Variants in PUDP observed in about 807,000 individuals in gnomAD.
The protein encoded by PUDP is pseudouridine-5'-phosphatase.
A neutral mutation model predicts 9.4 loss-of-function variants in PUDP; 8 were observed. That is an observed-to-expected ratio of 0.85 (90% CI 0.50 to 1.53). The LOEUF is 1.53. PUDP is among the 40% of genes most tolerant of loss of function. The pLI is 0.00. For missense variants in PUDP, 188 were observed against 189.7 expected, an observed-to-expected ratio of 0.99 and a Z score of 0.05; for synonymous variants, 99 against 80.7, an observed-to-expected ratio of 1.23 and a Z score of -1.22.
At chrX:7,101,062 T>C (rs1931716447) in intron 2 of PUDP, among the ~76,000 whole-genome samples, 1 of 112,247 alleles carries the variant, frequency 8.9e-6, no homozygotes, top group African/African-American at 3.2e-5. Context: ...TCTCCAGCAT[T>C]ACCTTGTGCA....
At position 6,789,306 on chromosome X, in the gene PUDP, TA is replaced by T. The variant is rs1925699749; in HGVS notation, c.*248-82841del. Among the ~76,000 whole-genome samples, 4 of 101,911 alleles carry T rather than the reference TA, an allele frequency of 3.9e-5. No individual in the cohort carries two copies. The South Asian group carries it at 1.3e-3, about 34-fold the overall frequency. The allele number at this position is 101,911 out of a possible 115,157, so 88.5% of individuals were successfully genotyped here. A position where few individuals can be genotyped will look rare whatever the true frequency, so the allele number is the denominator to read the frequency against. On this transcript the variant is annotated intron_variant and NMD_transcript_variant, in intron 3 of 3. Transcript: ENST00000655425. ...CTCTGTCTCTAAATAAATAAATAAA[TA>T]AATAAATAAATAAATAAATAGAAGA...
chrX:6,710,519 C>T (rs758737105), intron 1 of PUDP, among the ~76,000 whole-genome samples: 3 of 111,757 alleles, frequency 2.7e-5, no homozygotes, highest in South Asian at 3.8e-4. Context: ...CTAAGTCAGC[C>T]GCCTGTTCCC....
At chrX:6,751,398 C>T (rs1385797341) in intron 3 of PUDP, among the ~76,000 whole-genome samples, 3 of 111,493 alleles carry the variant, frequency 2.7e-5, no homozygotes, top group Admixed American at 9.5e-5. Flanking sequence ...ATAAAGAAAT[C>T]ACAGTAGCTG....
At chrX:6,805,136 G>A (rs1926028889) in intron 3 of PUDP, among the ~76,000 whole-genome samples, 2 of 110,853 alleles carry the variant, frequency 1.8e-5, no homozygotes, top group African/African-American at 6.6e-5. Context: ...CAGGTGTGGT[G>A]GCATGCACCT....
chrX:7,079,438 A>G (rs1009868975), intron 2 of PUDP, among the ~76,000 whole-genome samples: 2 of 112,544 alleles, frequency 1.8e-5, no homozygotes, highest in Admixed American at 9.4e-5. Flanking sequence ...AGGACACAGC[A>G]GACTTCAGAA....
At chrX:7,122,210 CAT>C (rs1311278461) in intron 1 of PUDP, among the ~76,000 whole-genome samples, 8 of 63,831 alleles carry the variant, frequency 1.3e-4, no homozygotes, top group African/African-American at 4.1e-4. Context: ...AAAAAAAACC[CAT>C]ATATGTGTGT....
At chrX:6,726,730 T>C (rs1924742767) in intron 3 of PUDP, among the ~76,000 whole-genome samples, 1 of 111,569 alleles carries the variant, frequency 9.0e-6, no homozygotes, top group East Asian at 2.8e-4. Flanking sequence ...GTAAGGACAC[T>C]GAAAACATAT....
chrX:7,053,945 T>C (rs764762509), intron 3 of PUDP, among the ~76,000 whole-genome samples: 1 of 112,123 alleles, frequency 8.9e-6, no homozygotes, highest in Non-Finnish European at 1.9e-5. Flanking sequence ...TCCTCTGTGT[T>C]CAATTAATCT....
intron 3 of PUDP, among the ~76,000 whole-genome samples, chrX:6,849,202 G>A (rs146014064): frequency 8.9e-6 from 1 of 111,822 alleles, no homozygotes; most frequent in Non-Finnish European, 1.9e-5. Flanking sequence ...GAGATGTACC[G>A]AAGACTACAT....
intron 3 of PUDP, among the ~76,000 whole-genome samples, chrX:6,733,770 CTTTTTTT>C (rs3046297): frequency 1.3e-3 from 60 of 46,265 alleles, no homozygotes; most frequent in African/African-American, 5.3e-3. Flanking sequence ...AAAGCAAAGC[CTTTTTTT>C]TTTTTTTTTT....
intron 3 of PUDP, among the ~76,000 whole-genome samples, chrX:6,884,615 A>G (rs758679908): frequency 3.6e-5 from 4 of 111,870 alleles, no homozygotes; most frequent in Non-Finnish European, 5.6e-5. Context: ...AGTCAGCAAC[A>G]TGAGAGACCT....
chrX:7,074,610 T>C (rs1325827056), intron 3 of PUDP, among the ~76,000 whole-genome samples: 5 of 112,078 alleles, frequency 4.5e-5, no homozygotes, highest in Non-Finnish European at 9.4e-5. Context: ...GGTTATGGAG[T>C]GCAGCACCTT....
intron 3 of PUDP, among the ~76,000 whole-genome samples, chrX:6,924,149 G>A (rs749367939): frequency 1.6e-4 from 18 of 111,264 alleles, no homozygotes; most frequent in South Asian, 1.2e-3. Flanking sequence ...TTGTTGATAC[G>A]TCCTTCTTAG....
chrX:7,114,500 C>T (rs1383442905), intron 1 of PUDP, among the ~76,000 whole-genome samples: 1 of 111,786 alleles, frequency 8.9e-6, no homozygotes, highest in Non-Finnish European at 1.9e-5. Context: ...GCCTTCATGA[C>T]CCAACACCTC....
chrX:6,797,722 G>T (rs913301692), intron 3 of PUDP, among the ~76,000 whole-genome samples: 1 of 112,044 alleles, frequency 8.9e-6, no homozygotes, highest in Non-Finnish European at 1.9e-5. Context: ...GCCTGAGCCA[G>T]AAATACCAAG....
At chrX:6,792,215 G>C (rs1925760379) in intron 3 of PUDP, among the ~76,000 whole-genome samples, 1 of 110,538 alleles carries the variant, frequency 9.0e-6, no homozygotes, top group African/African-American at 3.3e-5. Flanking sequence ...GAGTGAGGTT[G>C]GCCAAGCACA....
intron 3 of PUDP, among the ~76,000 whole-genome samples, chrX:6,840,287 A>C (rs1926648223): frequency 8.9e-6 from 1 of 112,015 alleles, no homozygotes; most frequent in African/African-American, 3.2e-5. Context: ...GAGTCCATTA[A>C]ACCTCTTTCT....
At chrX:6,947,376 G>A (rs1007175609) in intron 3 of PUDP, among the ~76,000 whole-genome samples, 8 of 112,073 alleles carry the variant, frequency 7.1e-5, no homozygotes, top group South Asian at 3.7e-4. Flanking sequence ...GTTGAGGAGG[G>A]TGCAACTACA....
chrX:6,788,312 C>T (rs1027649367), intron 3 of PUDP, among the ~76,000 whole-genome samples: 1 of 112,156 alleles, frequency 8.9e-6, no homozygotes, highest in Non-Finnish European at 1.9e-5. Flanking sequence ...AGTTTAAGGT[C>T]AGCTAGGCTG....
Sources: allele counts gnomAD v4.1 joint callset (sites outside exome capture counted in the v4.1 genomes callset), GRCh38; gene constraint gnomAD v4.1.1; transcripts MANE v1.5; gene names NCBI Gene and HGNC (gene_info 2026-07-23, HGNC 2026-07-21).